PMFBP1: variants seen among roughly 807,000 people sequenced by gnomAD.
PMFBP1 encodes polyamine-modulated factor 1-binding protein 1.
In PMFBP1, 131 loss-of-function variants were observed where a neutral mutation model predicts 137.8. The observed-to-expected ratio is 0.95, with a 90% CI of 0.82 to 1.10. The LOEUF is 1.10. PMFBP1 is among the 50% of genes least tolerant of loss of function. The probability of loss-of-function intolerance (pLI) is 0.00; values close to 1 mark genes in which losing one functional copy is unlikely to be tolerated. For synonymous variants in PMFBP1, 490 were observed against 450.4 expected, an observed-to-expected ratio of 1.09 and a Z score of -1.11; for missense variants, 1,199 against 1,175.4, an observed-to-expected ratio of 1.02 and a Z score of -0.29.
At chr16:72,228,191 C>T in the PMFBP1 span, among the ~76,000 whole-genome samples, 22 of 152,186 alleles carry the variant, frequency 1.4e-4, no homozygotes, top group African/African-American at 2.9e-4. Flanking sequence ...CTTCTCCCAC[C>T]GTCGTTGACA....
chr16:72,134,831 C>A (rs569905115), intron 9 of PMFBP1, among the ~76,000 whole-genome samples: 2 of 152,128 alleles, frequency 1.3e-5, no homozygotes, highest in Non-Finnish European at 2.9e-5. Flanking sequence ...TGTGTACAAC[C>A]GCCATCAAGC....
the PMFBP1 span, among the ~76,000 whole-genome samples, chr16:72,195,569 G>C: frequency 6.6e-6 from 1 of 152,132 alleles, no homozygotes; most frequent in Non-Finnish European, 1.5e-5. Flanking sequence ...TTACTTTATG[G>C]AGAACTCAAA....
chr16:72,141,842 C>G (rs1395600896), intron 5 of PMFBP1, among the ~76,000 whole-genome samples: 1 of 151,976 alleles, frequency 6.6e-6, no homozygotes, highest in African/African-American at 2.4e-5. Context: ...GTACTATTGT[C>G]CTTCAAAGAA....
intron 16 of PMFBP1, 132 bp from the exon 17 acceptor site, chr16:72,125,066 G>C: frequency 1.5e-6 from 2 of 1,374,260 alleles, no homozygotes; most frequent in Non-Finnish European, 2.0e-6. Flanking sequence ...GGCCAGCAGA[G>C]GGCACCCATG....
rs899808112 is a variant in PMFBP1, at chr16:72,168,731, C to T, written c.12+2466G>A. ...GGTTTCTCTTATATAAGGCTGGAAC[C>T]TGGTCACTCTGCTTTGAAACATATG... On this transcript the variant is annotated intron_variant, in intron 2 of 20. Coordinates refer to ENST00000237353, the MANE Select transcript of PMFBP1 (RefSeq NM_031293.3). 5.1e-4 allele frequency among the ~76,000 whole-genome samples: 78 copies of T among 152,160 alleles called. 2 individuals are homozygous for T. Among genetic ancestry groups the T allele is most frequent in the Admixed American group, 1.3e-4 (2 of 15,276 alleles).
chr16:72,190,724 A>G, the PMFBP1 span, among the ~76,000 whole-genome samples: 1 of 152,106 alleles, frequency 6.6e-6, no homozygotes, highest in Admixed American at 6.5e-5. Flanking sequence ...ACTGAGCCTC[A>G]GAACTTCTCT....
At chr16:72,142,862 G>A (rs1039400185) in intron 5 of PMFBP1, among the ~76,000 whole-genome samples, 8 of 152,046 alleles carry the variant, frequency 5.3e-5, no homozygotes, top group African/African-American at 1.7e-4. Context: ...CATTATATTA[G>A]GATGGCATAA....
chr16:72,175,303 T>C (rs1275271914), upstream of PMFBP1, among the ~76,000 whole-genome samples: 1 of 152,198 alleles, frequency 6.6e-6, no homozygotes, highest in Non-Finnish European at 1.5e-5. Flanking sequence ...ACAGTCTTTG[T>C]GTGGTTTTGG....
chr16:72,208,372 C>T, the PMFBP1 span, among the ~76,000 whole-genome samples: 2 of 152,228 alleles, frequency 1.3e-5, no homozygotes, highest in African/African-American at 4.8e-5. Flanking sequence ...AGCAGGGTTA[C>T]CCAACATTTC....
At chr16:72,195,606 A>C in the PMFBP1 span, among the ~76,000 whole-genome samples, 2 of 152,372 alleles carry the variant, frequency 1.3e-5, no homozygotes, top group South Asian at 4.1e-4. Context: ...AATACATTCC[A>C]AGCTAAGTGA....
chr16:72,224,496 T>C, the PMFBP1 span: 1 of 152,396 alleles, frequency 6.6e-6, no homozygotes, highest in African/African-American at 2.4e-5. Context: ...TATCTCCTTT[T>C]CTAATTACAC....
At chr16:72,182,062 C>T in the PMFBP1 span, among the ~76,000 whole-genome samples, 1 of 152,222 alleles carries the variant, frequency 6.6e-6, no homozygotes, top group East Asian at 1.9e-4. Context: ...GCATGTGGCC[C>T]ATGGGCCGCT....
At chr16:72,130,507 C>T in intron 11 of PMFBP1, 26 bp downstream of exon 11, 1 of 1,613,292 alleles carries the variant, frequency 6.2e-7, no homozygotes, top group Non-Finnish European at 8.5e-7. Context: ...GAACCTCTCT[C>T]TGGAGGGGAG....
At chr16:72,199,177 G>A in the PMFBP1 span, among the ~76,000 whole-genome samples, 156 of 152,240 alleles carry the variant, frequency 1.0e-3, 2 homozygotes, top group South Asian at 0.013. Context: ...TCAGCAGTCC[G>A]CCTGTGTTCT....
At chr16:72,222,467 G>T in the PMFBP1 span, among the ~76,000 whole-genome samples, 2 of 152,112 alleles carry the variant, frequency 1.3e-5, no homozygotes, top group Non-Finnish European at 2.9e-5. Flanking sequence ...TATCAGGTCT[G>T]GGGGGATAGA....
rs78521983 is a variant in PMFBP1, at chr16:72,119,963, C to T, written c.2895G>A (p.Thr965=). ...LCTKALGPSR[T]ESTQREKVCG... ...ACACTTTCTCCCTCTGTGTGGACTC[C>T]GTTCTGCTCGGGCCTAGGGCTTTGG... Residue 965 remains threonine, a synonymous_variant, in exon 20 of 21, where the codon ACG becomes ACA. Coordinates refer to ENST00000237353, the MANE Select transcript of PMFBP1 (RefSeq NM_031293.3). 172 of 1,614,208 alleles carry T rather than the reference C, an allele frequency of 1.1e-4. No homozygotes were observed. The highest frequency in any genetic ancestry group is 1.2e-4 in the Non-Finnish European group (144 of 1,180,038).
the PMFBP1 span, among the ~76,000 whole-genome samples, chr16:72,187,475 C>T: frequency 8.5e-5 from 13 of 152,284 alleles, 1 homozygote; most frequent in Admixed American, 7.2e-4. Context: ...CCAAACACTT[C>T]ACTTGTAACC....
the PMFBP1 span, among the ~76,000 whole-genome samples, chr16:72,183,825 T>C: frequency 6.6e-6 from 1 of 152,260 alleles, no homozygotes; most frequent in African/African-American, 2.4e-5. Flanking sequence ...TCTTCATGGA[T>C]GAATTGTTCG....
chr16:72,144,975 G>C (rs1407111491), intron 5 of PMFBP1, among the ~76,000 whole-genome samples: 3 of 152,128 alleles, frequency 2.0e-5, no homozygotes, highest in African/African-American at 4.8e-5. Context: ...AGACCAATGA[G>C]ACAGAAAATT....
Sources: gnomAD v4.1 joint callset for allele counts (sites outside exome capture counted in the v4.1 genomes callset) on GRCh38, gnomAD v4.1.1 for gene constraint, MANE v1.5 for transcripts, NCBI Gene and HGNC (gene_info 2026-07-23, HGNC 2026-07-21) for gene names.